Variants in ZFHX3 observed in about 807,000 individuals in gnomAD.
The protein encoded by ZFHX3 is zinc finger homeobox 3.
Under a neutral mutation model 279.1 loss-of-function variants are expected in ZFHX3, and 42 were observed. The ratio of observed to expected loss-of-function variants is 0.15; its 90% CI spans 0.12 to 0.19. ZFHX3 has a LOEUF of 0.19. ZFHX3 is among the 10% of genes least tolerant of loss of function. ZFHX3 has a pLI of 1.00. For synonymous variants in ZFHX3, 2,293 were observed against 1,957.8 expected (o/e 1.17, Z -4.52); for missense variants, 4,981 against 4,754.0 (o/e 1.05, Z -1.40).
chr16:73,806,678 G>T (rs943176950), intron 1 of ZFHX3, among the ~76,000 whole-genome samples: 4 of 152,162 alleles, frequency 2.6e-5, no homozygotes, highest in South Asian at 2.1e-4. Flanking sequence ...CTGACACTTT[G>T]TCCTTTGCTT....
At chr16:73,540,364 A>T (rs576088672) in intron 2 of ZFHX3, among the ~76,000 whole-genome samples, 15 of 152,328 alleles carry the variant, frequency 9.8e-5, no homozygotes, top group African/African-American at 3.4e-4. Context: ...TTCAAGGAAG[A>T]TATATTTTCT....
intron 5 of ZFHX3, among the ~76,000 whole-genome samples, chr16:73,150,223 T>C (rs59012257): frequency 0.016 from 2,452 of 152,230 alleles, 56 homozygotes; most frequent in African/African-American, 0.055. Context: ...CCAAGGTGCA[T>C]AGGGGCTGGC....
chr16:73,762,383 T>C (rs1158662255), intron 1 of ZFHX3, among the ~76,000 whole-genome samples: 1 of 152,160 alleles, frequency 6.6e-6, no homozygotes, highest in Non-Finnish European at 1.5e-5. Context: ...TTAGTGGAAA[T>C]GTAAATTAGT....
chr16:72,790,050 TC>T (rs1157334168), intron 9 of ZFHX3: 1 of 152,198 alleles, frequency 6.6e-6, no homozygotes, highest in Non-Finnish European at 1.5e-5. Flanking sequence ...CTACCACCAC[TC>T]CCTGCAACGC....
rs577144817 is a variant in ZFHX3 at position 73,181,292 on chromosome 16, G to C, written c.-1103-37461C>G. On this transcript the variant is annotated intron_variant, in intron 5 of 17. Coordinates refer to the ZFHX3 transcript ENST00000641206. ...ATTTTTGTATTTTTAGTAGAGATAA[G>C]GTTTCTCCATGTTGGTCTCCATCTC... is the stretch of plus-strand genomic sequence containing the variant. 5.0e-3 allele frequency among the ~76,000 whole-genome samples: 757 copies of C among 151,980 alleles called. 14 individuals carry two copies. Among genetic ancestry groups the C allele is most frequent in the African/African-American group, 0.017 (706 of 41,460 alleles).
intron 1 of ZFHX3, among the ~76,000 whole-genome samples, chr16:73,728,019 C>CT (rs1555535421): frequency 1.0e-5 from 1 of 95,902 alleles, no homozygotes; most frequent in African/African-American, 3.8e-5. Flanking sequence ...AATTGTGCCC[C>CT]CCCCCCGCCC....
At position 73,679,782 on chromosome 16, in the gene ZFHX3, T is replaced by G. The variant is rs533031373; in HGVS notation, c.-1547+398A>C. 11 of 152,308 alleles carry G rather than the reference T, an allele frequency of 7.2e-5. 1 individual carries two copies. In the East Asian group the frequency reaches 2.1e-3, roughly 29 times the overall value. 9.4% of individuals were successfully genotyped at this position (152,308 alleles called of 1,614,324 possible). A position where few individuals can be genotyped will look rare whatever the true frequency, so the allele number is the denominator to read the frequency against. Reference sequence around the variant, plus strand: ...GGTACTTTACCAAGACCAGCAGCTGTACATTAAGCACTGAAATTATCAAAG... The same window carrying G: ...GGTACTTTACCAAGACCAGCAGCTGGACATTAAGCACTGAAATTATCAAAG... On this transcript the variant is annotated intron_variant, in intron 2 of 17. Coordinates refer to the ZFHX3 transcript ENST00000641206.
Position 73,669,565 on chromosome 16 carries a change from G to T in ZFHX3, c.-1547+10615C>A, listed in dbSNP as rs565279865. On this transcript the variant is annotated intron_variant, in intron 2 of 17. Coordinates refer to the ZFHX3 transcript ENST00000641206. ...AAAAGAAGCCAACCACCTGAAAAGG[G>T]TTAGGAAAATCTAATAGGCAGAACT... Among the ~76,000 whole-genome samples, 10 of 152,316 alleles carry T rather than the reference G, an allele frequency of 6.6e-5. No individual in the cohort carries two copies. In the South Asian group the frequency reaches 2.1e-3, roughly 32 times the overall value.
At chr16:73,388,264 G>A (rs1427437238) in intron 3 of ZFHX3, among the ~76,000 whole-genome samples, 1 of 152,092 alleles carries the variant, frequency 6.6e-6, no homozygotes, top group Non-Finnish European at 1.5e-5. Context: ...TATTCCTAGG[G>A]TAGCAGGTTT....
intron 4 of ZFHX3, among the ~76,000 whole-genome samples, chr16:72,859,160 TTTC>T (rs2037822256): frequency 6.6e-6 from 1 of 152,188 alleles, no homozygotes; most frequent in African/African-American, 2.4e-5. Context: ...ATCTTTGTTT[TTTC>T]TTTTTTTAAA....
At chr16:73,024,934 C>G (rs1364418364) in intron 1 of ZFHX3, among the ~76,000 whole-genome samples, 18 of 152,192 alleles carry the variant, frequency 1.2e-4, no homozygotes, top group Admixed American at 1.2e-3. Context: ...TCTCTACTCC[C>G]CAACACAATA....
intron 2 of ZFHX3, among the ~76,000 whole-genome samples, chr16:73,532,311 T>G (rs1914337): frequency 6.6e-6 from 1 of 151,980 alleles, no homozygotes; most frequent in Non-Finnish European, 1.5e-5. Context: ...GGGGAGACCC[T>G]TTTCGTTTGG....
chr16:73,509,163 C>G (rs2019379108), intron 2 of ZFHX3, among the ~76,000 whole-genome samples: 1 of 152,180 alleles, frequency 6.6e-6, no homozygotes, highest in Admixed American at 6.5e-5. Context: ...ACGGTGACTA[C>G]TGGAATGGAA....
intron 4 of ZFHX3, among the ~76,000 whole-genome samples, chr16:72,888,094 A>C (rs1185745644): frequency 6.6e-6 from 1 of 152,176 alleles, no homozygotes; most frequent in African/African-American, 2.4e-5. Context: ...ACATGGAAAT[A>C]AGTAACAAAA....
chr16:73,598,779 T>G (rs1049034652), intron 2 of ZFHX3, among the ~76,000 whole-genome samples: 2 of 152,040 alleles, frequency 1.3e-5, no homozygotes, highest in Non-Finnish European at 2.9e-5. Flanking sequence ...TTGTTTGTTT[T>G]TTGAGACAGA....
chr16:73,624,966 C>T (rs1315872642), intron 2 of ZFHX3, among the ~76,000 whole-genome samples: 1 of 152,196 alleles, frequency 6.6e-6, no homozygotes, highest in Admixed American at 6.5e-5. Flanking sequence ...TGCTGATGGT[C>T]CCATTTTCAT....
rs138803762 is a variant in ZFHX3, at chr16:72,797,771, A to G, written c.4911T>C (p.Asn1637=). Residue 1637 remains asparagine (N), a synonymous_variant, in exon 9 of 10, where the codon AAT becomes AAC. Coordinates refer to ENST00000268489, the MANE Select transcript of ZFHX3 (RefSeq NM_006885.4). The stretch of plus-strand genomic sequence containing the variant: ...AAATACTGCTGCTGTTCCCAGTCCC[A>G]TTGCTGCTGCCACTTGCAGCCTCCA... ...AKLEAASGSS[N]GTGNSSSISL... 1 of 1,613,942 alleles carries G rather than the reference A, an allele frequency of 6.2e-7. No individual in the cohort carries two copies. Among genetic ancestry groups the G allele is most frequent in the Non-Finnish European group, 8.5e-7 (1 of 1,179,990 alleles).
At chr16:73,107,281 G>C (rs1018198667) in intron 7 of ZFHX3, among the ~76,000 whole-genome samples, 1 of 151,984 alleles carries the variant, frequency 6.6e-6, no homozygotes. Context: ...CTGCACTCCA[G>C]ACTGGACGAC....
chr16:73,736,039 A>G (rs1351336141), intron 1 of ZFHX3, among the ~76,000 whole-genome samples: 2 of 151,948 alleles, frequency 1.3e-5, no homozygotes, highest in Non-Finnish European at 2.9e-5. Context: ...TTCCTGCTAG[A>G]TCTACTCCTT....
Sources: allele counts gnomAD v4.1 joint callset (sites outside exome capture counted in the v4.1 genomes callset), GRCh38; gene constraint gnomAD v4.1.1; transcripts MANE v1.5; gene names NCBI Gene and HGNC (gene_info 2026-07-23, HGNC 2026-07-21).